CPNE8: variants seen among roughly 807,000 people sequenced by gnomAD.
CPNE8 encodes the protein copine-8.
Under a neutral mutation model 81.5 loss-of-function variants are expected in CPNE8, and 45 were observed. The observed-to-expected ratio is 0.55, with a 90% CI of 0.44 to 0.71. CPNE8 has a LOEUF of 0.71. Among genes scored for constraint, CPNE8 ranks in the 30% least tolerant of loss-of-function variants. The pLI is 0.00. For missense variants in CPNE8, 594 were observed against 672.1 expected (o/e 0.88, Z 1.28); for synonymous variants, 252 against 226.3 (o/e 1.11, Z -1.02).
At chr12:38,770,951 A>C (rs1941787535) in intron 7 of CPNE8, among the ~76,000 whole-genome samples, 1 of 152,124 alleles carries the variant, frequency 6.6e-6, no homozygotes, top group Non-Finnish European at 1.5e-5. Flanking sequence ...TAGTCAGCCG[A>C]CTAATGTCTC....
chr12:38,834,526 C>G (rs1175303494), intron 5 of CPNE8, among the ~76,000 whole-genome samples: 1 of 152,140 alleles, frequency 6.6e-6, no homozygotes, highest in Non-Finnish European at 1.5e-5. Flanking sequence ...ACATATATTC[C>G]AAATCTGACC....
chr12:38,811,959 TAG>T (rs1253651455), intron 6 of CPNE8, among the ~76,000 whole-genome samples: 1 of 152,180 alleles, frequency 6.6e-6, no homozygotes, highest in African/African-American at 2.4e-5. Context: ...GTCCCTAGCC[TAG>T]AGAGTCTCTT....
chr12:38,842,569 C>CTTTTT (rs769891980), intron 4 of CPNE8, among the ~76,000 whole-genome samples: 4 of 110,830 alleles, frequency 3.6e-5, no homozygotes, highest in African/African-American at 7.0e-5. Context: ...AACATTTTTC[C>CTTTTT]TTTTTTTTTT....
chr12:38,826,114 T>TA (rs1943186690), intron 6 of CPNE8, among the ~76,000 whole-genome samples: 1 of 152,206 alleles, frequency 6.6e-6, no homozygotes, highest in South Asian at 2.1e-4. Flanking sequence ...ACCCACTTAG[T>TA]ACTAAAACTT....
At chr12:38,772,206 C>T (rs1941817338) in intron 7 of CPNE8, among the ~76,000 whole-genome samples, 1 of 152,116 alleles carries the variant, frequency 6.6e-6, no homozygotes, top group African/African-American at 2.4e-5. Flanking sequence ...AAAGCCCTTA[C>T]CACAAGCCAG....
intron 13 of CPNE8, among the ~76,000 whole-genome samples, chr12:38,719,295 G>C (rs986382684): frequency 1.3e-5 from 2 of 152,076 alleles, no homozygotes; most frequent in Non-Finnish European, 2.9e-5. Flanking sequence ...ATTAATAAAA[G>C]TCAAATTTTA....
intron 3 of CPNE8, among the ~76,000 whole-genome samples, chr12:38,869,058 A>G (rs905272756): frequency 2.6e-5 from 4 of 152,216 alleles, no homozygotes; most frequent in Non-Finnish European, 5.9e-5. Flanking sequence ...ATGGTTCAAC[A>G]TAATAGCATT....
chr12:38,685,446 G>A (rs147852781), intron 16 of CPNE8, 44 bp downstream of exon 16: 25,181 of 1,594,816 alleles, frequency 0.016, 374 homozygotes, highest in South Asian at 0.051. Flanking sequence ...AGTTCACCAT[G>A]TTCCAGTACA....
At chr12:38,656,349 T>C (rs1420998869) in intron 19 of CPNE8, among the ~76,000 whole-genome samples, 1 of 151,718 alleles carries the variant, frequency 6.6e-6, no homozygotes, top group Non-Finnish European at 1.5e-5. Context: ...GAGTTTTTTT[T>C]TTCTTTGTTT....
intron 6 of CPNE8, among the ~76,000 whole-genome samples, chr12:38,794,489 C>G (rs1397560725): frequency 6.6e-6 from 1 of 151,954 alleles, no homozygotes; most frequent in Non-Finnish European, 1.5e-5. Flanking sequence ...TAAAAATGAG[C>G]ATGGCACTTC....
At chr12:38,663,838 G>A (rs888920459) in intron 19 of CPNE8, among the ~76,000 whole-genome samples, 6 of 152,026 alleles carry the variant, frequency 3.9e-5, no homozygotes, top group Admixed American at 6.6e-5. Flanking sequence ...GGATGAGCCC[G>A]GAGGACACTA....
At chr12:38,770,852 C>T (rs913923913) in intron 7 of CPNE8, among the ~76,000 whole-genome samples, 1 of 152,112 alleles carries the variant, frequency 6.6e-6, no homozygotes, top group Non-Finnish European at 1.5e-5. Context: ...CCAGTGATTC[C>T]CCCAAGGCTT....
chr12:38,863,859 G>C (rs983795630), intron 3 of CPNE8, among the ~76,000 whole-genome samples: 2 of 151,950 alleles, frequency 1.3e-5, no homozygotes, highest in East Asian at 1.9e-4. Flanking sequence ...AGACCATCCT[G>C]GCTAACACGG....
chr12:38,811,572 T>C (rs1783198005), intron 6 of CPNE8, among the ~76,000 whole-genome samples: 1 of 152,192 alleles, frequency 6.6e-6, no homozygotes, highest in African/African-American at 2.4e-5. Flanking sequence ...AGACATGTAT[T>C]GGCCAGGCAT....
intron 3 of CPNE8, among the ~76,000 whole-genome samples, chr12:38,852,992 A>C (rs1228322825): frequency 1.3e-5 from 2 of 152,182 alleles, no homozygotes; most frequent in African/African-American, 2.4e-5. Flanking sequence ...AATCAGAAAC[A>C]AAAAACTTTC....
At chr12:38,856,822 G>A (rs1943744919) in intron 3 of CPNE8, among the ~76,000 whole-genome samples, 1 of 151,956 alleles carries the variant, frequency 6.6e-6, no homozygotes, top group African/African-American at 2.4e-5. Context: ...TAAAATTTTA[G>A]GCTGTGGTTT....
At chr12:38,729,294 G>C (rs1940777821) in intron 11 of CPNE8, among the ~76,000 whole-genome samples, 1 of 151,984 alleles carries the variant, frequency 6.6e-6, no homozygotes, top group Admixed American at 6.6e-5. Context: ...CTAAACTAAT[G>C]CATAATCTTT....
chr12:38,724,266 A>G (rs1940641053), intron 12 of CPNE8, among the ~76,000 whole-genome samples: 1 of 152,204 alleles, frequency 6.6e-6, no homozygotes, highest in Admixed American at 6.5e-5. Flanking sequence ...GAGATCTTTA[A>G]AAGAAAATTG....
chr12:38,810,690 G>C (rs1441047966), intron 6 of CPNE8, among the ~76,000 whole-genome samples: 1 of 152,094 alleles, frequency 6.6e-6, no homozygotes, highest in Non-Finnish European at 1.5e-5. Context: ...GGTCAGTTCT[G>C]TACATCAAAA....
Sources: allele counts gnomAD v4.1 joint callset (sites outside exome capture counted in the v4.1 genomes callset), GRCh38; gene constraint gnomAD v4.1.1; transcripts MANE v1.5; gene names NCBI Gene and HGNC (gene_info 2026-07-23, HGNC 2026-07-21).